The following APPL1 variants were observed in gnomAD, a reference collection of about 807,000 sequenced individuals.
The protein encoded by APPL1 is DCC-interacting protein 13-alpha.
APPL1 carries 42 observed loss-of-function variants against 106.8 expected under a neutral mutation model. The observed-to-expected ratio is 0.39, with a 90% confidence interval of 0.31 to 0.51. The LOEUF (loss-of-function observed/expected upper bound fraction) is 0.51. Among genes scored for constraint, APPL1 ranks in the 20% least tolerant of loss-of-function variants. The pLI is 0.75. For missense variants in APPL1, 769 were observed against 858.2 expected (o/e 0.90, Z 1.30); for synonymous variants, 263 against 281.8 (o/e 0.93, Z 0.67).
intron 1 of APPL1, among the ~76,000 whole-genome samples, chr3:57,229,699 CTTTTTTTTTT>C (rs753258836): frequency 9.7e-5 from 9 of 93,120 alleles, no homozygotes; most frequent in South Asian, 3.7e-4. Context: ...ACTGTGCCAG[CTTTTTTTTTT>C]TTTTTTTTTT....
intron 16 of APPL1, 84 bp from the exon 17 acceptor site, chr3:57,259,761 T>C: frequency 3.4e-6 from 4 of 1,188,966 alleles, no homozygotes; most frequent in Non-Finnish European, 4.5e-6. Context: ...TTTTATTCTT[T>C]TGGAAAAGAA....
At chr3:57,259,574 G>T (rs914032447) in intron 16 of APPL1, among the ~76,000 whole-genome samples, 3 of 152,100 alleles carry the variant, frequency 2.0e-5, no homozygotes, top group Admixed American at 1.3e-4. Flanking sequence ...AGGATTACAG[G>T]TGTGAACCAC....
At chr3:57,242,164 C>G (rs569438057) in intron 6 of APPL1, 22 bp downstream of exon 6, 2 of 1,571,062 alleles carry the variant, frequency 1.3e-6, no homozygotes, top group African/African-American at 1.4e-5. Flanking sequence ...AATTTGCACA[C>G]TTATTTCTTG....
intron 19 of APPL1, among the ~76,000 whole-genome samples, chr3:57,262,480 C>T (rs1301453351): frequency 7.6e-5 from 7 of 91,798 alleles, no homozygotes; most frequent in Non-Finnish European, 1.2e-4. Context: ...GTAACCTCCA[C>T]CTCCTGGATT....
At chr3:57,249,272 C>A in intron 10 of APPL1, 88 bp from the exon 11 acceptor site, 1 of 1,393,862 alleles carries the variant, frequency 7.2e-7, no homozygotes, top group Non-Finnish European at 1.0e-6. Flanking sequence ...CAAGCCAGTT[C>A]ATTGTAACAT....
intron 4 of APPL1, among the ~76,000 whole-genome samples, chr3:57,239,438 C>T (rs2060733986): frequency 6.6e-6 from 1 of 152,184 alleles, no homozygotes; most frequent in African/African-American, 2.4e-5. Context: ...AAGGTTCATT[C>T]ATGTTGTAAT....
chr3:57,253,644 GA>G (rs200584055), intron 12 of APPL1, 37 bp from the exon 13 acceptor site: 36,847 of 1,376,130 alleles, frequency 0.027, 617 homozygotes, highest in South Asian at 0.033. Flanking sequence ...AAGCTTTGTA[GA>G]AAAAAAATTA....
Position 57,240,425 on chromosome 3 carries a change from G to A in APPL1, c.286-40G>A, listed in dbSNP as rs200398077. The A allele has an allele frequency of 9.2e-5, 133 of 1,452,216 alleles. No homozygotes were observed. In the East Asian group the frequency reaches 1.1e-3, roughly 12 times the overall value. The allele number at this position is 1,452,216 out of a possible 1,614,324, so 90.0% of individuals were successfully genotyped here. ...TTTACATAACACTGGTTAAATGTCT[G>A]TGTATAGTTATTTGGCCTTTTTGGT... On this transcript the variant is annotated intron_variant, in intron 4 of 21. Transcript: ENST00000288266.
intron 15 of APPL1, 128 bp downstream of exon 15, chr3:57,257,556 G>T: frequency 3.9e-6 from 3 of 777,502 alleles, no homozygotes; most frequent in Non-Finnish European, 5.5e-6. Context: ...GTTTAATTAT[G>T]TAACATATTG....
intron 11 of APPL1, among the ~76,000 whole-genome samples, chr3:57,250,161 G>A (rs2060795776): frequency 6.6e-6 from 1 of 151,752 alleles, no homozygotes; most frequent in Non-Finnish European, 1.5e-5. Flanking sequence ...CTTTTTTTGA[G>A]GCGGGGTCTT....
intron 1 of APPL1, among the ~76,000 whole-genome samples, chr3:57,233,846 C>T (rs1461623626): frequency 6.6e-6 from 1 of 152,108 alleles, no homozygotes; most frequent in Non-Finnish European, 1.5e-5. Context: ...CTTTGGGAGG[C>T]TGAGGTAGGA....
intron 9 of APPL1, 54 bp downstream of exon 9, chr3:57,247,531 T>C: frequency 1.8e-6 from 2 of 1,097,890 alleles, no homozygotes; most frequent in Admixed American, 2.0e-5. Flanking sequence ...TGATAACAGC[T>C]CAATGACATA....
chr3:57,266,503 G>A (rs1041316014), intron 19 of APPL1, among the ~76,000 whole-genome samples: 3 of 152,232 alleles, frequency 2.0e-5, no homozygotes, highest in African/African-American at 4.8e-5. Context: ...TAGTAGCCAC[G>A]AATGATCCTT....
chr3:57,238,327 T>G (rs1355658505), intron 4 of APPL1: 1 of 472,842 alleles, frequency 2.1e-6, no homozygotes, highest in East Asian at 3.5e-5. Context: ...GTGCTTCTTC[T>G]ATACGCAGTC....
At chr3:57,238,911 G>A (rs185812678) in intron 4 of APPL1, among the ~76,000 whole-genome samples, 69 of 152,200 alleles carry the variant, frequency 4.5e-4, no homozygotes, top group African/African-American at 7.5e-4. Context: ...CCTTGTGCCC[G>A]TTAAGCAGTG....
intron 1 of APPL1, among the ~76,000 whole-genome samples, chr3:57,235,360 T>A (rs955783337): frequency 6.6e-6 from 1 of 152,070 alleles, no homozygotes; most frequent in African/African-American, 2.4e-5. Flanking sequence ...GTGACATAGT[T>A]GGAAAATACC....
chr3:57,259,055 A>T lies in APPL1; in HGVS notation c.1458A>T (p.Gly486=). 1 of 1,612,978 alleles carries T rather than the reference A, an allele frequency of 6.2e-7. No homozygotes were observed. Among genetic ancestry groups the T allele is most frequent in the Non-Finnish European group, 8.5e-7 (1 of 1,179,538 alleles). ...GRRTNPFGES[G]GSTKSETEDS... is the part of the protein sequence containing the mutation. The stretch of plus-strand genomic sequence containing the variant: ...GTACAAATCCATTTGGAGAATCTGG[A>T]GGAAGTACAAAATCTGAAACTGAAG... The change falls in exon 16 of 22, where the codon GGA becomes GGT. Residue 486 remains glycine, a synonymous_variant. Transcript: ENST00000288266.
chr3:57,229,097 C>T (rs2060670715), intron 1 of APPL1, among the ~76,000 whole-genome samples: 1 of 152,196 alleles, frequency 6.6e-6, no homozygotes, highest in African/African-American at 2.4e-5. Flanking sequence ...TGCTAATGTA[C>T]TCTTAACAGC....
intron 18 of APPL1, 198 bp downstream of exon 18, chr3:57,260,351 A>C (rs1425900070): frequency 8.3e-6 from 5 of 600,042 alleles, no homozygotes; most frequent in African/African-American, 5.8e-5. Flanking sequence ...AAGAATTAAC[A>C]CAATTCTTTT....
Sources: allele counts gnomAD v4.1 joint callset (sites outside exome capture counted in the v4.1 genomes callset), GRCh38; gene constraint gnomAD v4.1.1; transcripts MANE v1.5; gene names NCBI Gene and HGNC (gene_info 2026-07-23, HGNC 2026-07-21).